RNF2: variants seen among roughly 807,000 people sequenced by gnomAD.
RNF2 encodes E3 ubiquitin-protein ligase RING2.
In RNF2, 6 loss-of-function variants were observed where a neutral mutation model predicts 37.2. That is an observed-to-expected ratio of 0.16 (90% CI 0.09 to 0.32). The LOEUF (loss-of-function observed/expected upper bound fraction) is 0.32. Among genes scored for constraint, RNF2 ranks in the 10% least tolerant of loss-of-function variants. The probability of loss-of-function intolerance (pLI) is 1.00; values close to 1 mark genes in which losing one functional copy is unlikely to be tolerated. For missense variants in RNF2, 251 were observed against 404.0 expected (o/e 0.62, Z 3.25); for synonymous variants, 133 against 132.7 (o/e 1.00, Z -0.02).
intron 1 of RNF2, chr1:185,046,312 G>A (rs187491123): frequency 3.0e-4 from 46 of 152,546 alleles, no homozygotes; most frequent in Admixed American, 3.0e-3. Context: ...TTACCCAGGA[G>A]GAGTCGTGGG....
intron 1 of RNF2, among the ~76,000 whole-genome samples, chr1:185,049,917 C>G (rs1650227980): frequency 6.6e-6 from 1 of 152,190 alleles, no homozygotes; most frequent in South Asian, 2.1e-4. Context: ...GGAAAGATGT[C>G]CCGTCTCCCA....
intron 1 of RNF2, among the ~76,000 whole-genome samples, chr1:185,055,461 C>T (rs138265617): frequency 7.9e-5 from 12 of 152,218 alleles, no homozygotes; most frequent in Non-Finnish European, 1.5e-4. Context: ...CACTTTGCTC[C>T]TCAGGCTGGA....
At chr1:185,067,403 A>G (rs573569713) in intron 1 of RNF2, among the ~76,000 whole-genome samples, 3 of 152,328 alleles carry the variant, frequency 2.0e-5, no homozygotes, top group African/African-American at 7.2e-5. Context: ...CTAAAATATA[A>G]CACCTGTATC....
intron 1 of RNF2, among the ~76,000 whole-genome samples, chr1:185,054,341 G>A (rs1650364743): frequency 6.6e-6 from 1 of 152,186 alleles, no homozygotes; most frequent in African/African-American, 2.4e-5. Flanking sequence ...TACATAACCG[G>A]CAAGTGGCAG....
intron 1 of RNF2, among the ~76,000 whole-genome samples, chr1:185,083,648 G>GT (rs923148167): frequency 2.6e-5 from 4 of 152,020 alleles, no homozygotes; most frequent in African/African-American, 9.6e-5. Context: ...GTGTATTTTT[G>GT]TTTTTTGGAG....
chr1:185,082,676 C>G (rs759783174), intron 1 of RNF2, among the ~76,000 whole-genome samples: 4 of 152,058 alleles, frequency 2.6e-5, no homozygotes, highest in African/African-American at 4.8e-5. Context: ...TTTCTTGGAC[C>G]ACCACTGCCC....
At chr1:185,077,682 A>G (rs1651215317) in intron 1 of RNF2, among the ~76,000 whole-genome samples, 1 of 139,922 alleles carries the variant, frequency 7.1e-6, no homozygotes, top group Admixed American at 7.2e-5. Flanking sequence ...TGACAACTAA[A>G]TTGTACTTTC....
At chr1:185,077,478 G>A (rs1651203844) in intron 1 of RNF2, among the ~76,000 whole-genome samples, 1 of 151,932 alleles carries the variant, frequency 6.6e-6, no homozygotes, top group African/African-American at 2.4e-5. Context: ...GGTTAAGAAT[G>A]TTTCTATTTA....
At chr1:185,091,763 C>T (rs1321812539) in intron 3 of RNF2, 24 bp downstream of exon 3, 1 of 1,601,780 alleles carries the variant, frequency 6.2e-7, no homozygotes, top group Non-Finnish European at 8.5e-7. Context: ...AGTTGTTATA[C>T]TAGGTACTTA....
chr1:185,072,084 G>C (rs912071982), intron 1 of RNF2: 1 of 152,674 alleles, frequency 6.5e-6, no homozygotes, highest in African/African-American at 2.4e-5. Context: ...GCTAAGAAGA[G>C]GTAGCACTGA....
At chr1:185,052,947 T>C (rs1275934065) in intron 1 of RNF2, among the ~76,000 whole-genome samples, 2 of 152,190 alleles carry the variant, frequency 1.3e-5, no homozygotes, top group African/African-American at 4.8e-5. Context: ...TTATAGGTAC[T>C]TTACATCTAA....
intron 1 of RNF2, among the ~76,000 whole-genome samples, chr1:185,065,389 C>T (rs1320381534): frequency 6.6e-6 from 1 of 152,214 alleles, no homozygotes; most frequent in Non-Finnish European, 1.5e-5. Context: ...GCAGCCTTCT[C>T]TGGTCCACTT....
At position 185,101,330 on chromosome 1, in the gene RNF2, A is replaced by C. The variant is rs1051317030; in HGVS notation, c.*1029A>C. The stretch of plus-strand genomic sequence containing the variant: ...TTTTGGGTTGCCACATCAGTTTATA[A>C]ATTTGGCGCTCTTTTAATTACACTC... On this transcript the variant is annotated 3_prime_UTR_variant, in exon 7 of 7. Transcript: ENST00000367510. 4 of 152,556 alleles carry C rather than the reference A, an allele frequency of 2.6e-5. No individual in the cohort carries two copies. The highest frequency in any genetic ancestry group is 1.3e-4 in the Admixed American group (2 of 15,270). The allele number at this position is 152,556 out of a possible 1,614,324, so 9.5% of individuals were successfully genotyped here. A position where few individuals can be genotyped will look rare whatever the true frequency, so the allele number is the denominator to read the frequency against.
intron 3 of RNF2, chr1:185,091,981 GTTTT>G (rs373704731): frequency 1.3e-5 from 3 of 235,168 alleles, no homozygotes; most frequent in African/African-American, 2.5e-5. Flanking sequence ...TGGCCGGCTA[GTTTT>G]TTTTTTTTTT....
chr1:185,051,556 A>G (rs1265149570), intron 1 of RNF2, among the ~76,000 whole-genome samples: 2 of 152,134 alleles, frequency 1.3e-5, no homozygotes, highest in Non-Finnish European at 2.9e-5. Context: ...AGTGAGATCC[A>G]TTGGTCCCTG....
intron 1 of RNF2, among the ~76,000 whole-genome samples, chr1:185,054,045 A>G (rs558447889): frequency 2.0e-5 from 3 of 152,258 alleles, no homozygotes; most frequent in South Asian, 4.1e-4. Flanking sequence ...GGCATTAAAC[A>G]TCTTCACAAA....
At chr1:185,091,482 T>A in intron 2 of RNF2, 97 bp from the exon 3 acceptor site, 3 of 1,237,886 alleles carry the variant, frequency 2.4e-6, no homozygotes, top group South Asian at 1.4e-5. Context: ...TGGGTACATA[T>A]ATGTTTGTTT....
At chr1:185,076,391 AG>A (rs1229232271) in intron 1 of RNF2, among the ~76,000 whole-genome samples, 4 of 139,242 alleles carry the variant, frequency 2.9e-5, no homozygotes, top group African/African-American at 5.3e-5. Flanking sequence ...CCTGGCTTTA[AG>A]TGATTCTCCT....
chr1:185,056,315 A>G (rs988989086), intron 1 of RNF2, among the ~76,000 whole-genome samples: 2 of 151,900 alleles, frequency 1.3e-5, no homozygotes, highest in African/African-American at 4.8e-5. Flanking sequence ...TTTGCCAGTG[A>G]AAAAAAATTT....
Sources: gnomAD v4.1 joint callset for allele counts (sites outside exome capture counted in the v4.1 genomes callset) on GRCh38, gnomAD v4.1.1 for gene constraint, MANE v1.5 for transcripts, NCBI Gene and HGNC (gene_info 2026-07-23, HGNC 2026-07-21) for gene names.